The following STARD13 variants were observed in gnomAD, a reference collection of about 807,000 sequenced individuals.
The protein encoded by STARD13 is stAR-related lipid transfer protein 13.
Under a neutral mutation model 106.4 loss-of-function variants are expected in STARD13, and 62 were observed. The observed-to-expected ratio is 0.58, with a 90% confidence interval of 0.48 to 0.72. The LOEUF (loss-of-function observed/expected upper bound fraction) is 0.72, where lower values mean the gene tolerates loss of function less well. STARD13 is among the 30% of genes least tolerant of loss of function. The pLI, the probability that STARD13 is intolerant of heterozygous loss-of-function variation, is 0.00. For missense variants in STARD13, 1,387 were observed against 1,424.0 expected, an observed-to-expected ratio of 0.97 and a Z score of 0.42; for synonymous variants, 565 against 553.0, an observed-to-expected ratio of 1.02 and a Z score of -0.31.
At chr13:33,653,308 G>A in the STARD13 span, among the ~76,000 whole-genome samples, 3 of 152,052 alleles carry the variant, frequency 2.0e-5, no homozygotes, top group Admixed American at 6.6e-5. Flanking sequence ...AAAACAGTGT[G>A]GTAGAGGCAG....
chr13:33,433,625 C>T, the STARD13 span, among the ~76,000 whole-genome samples: 4 of 152,092 alleles, frequency 2.6e-5, no homozygotes, highest in Admixed American at 6.5e-5. Context: ...AGACCTCTTG[C>T]GTTCTGTAGT....
chr13:33,435,361 A>G, the STARD13 span, among the ~76,000 whole-genome samples: 1 of 152,346 alleles, frequency 6.6e-6, no homozygotes, highest in East Asian at 1.9e-4. Context: ...CTTTCAAGGG[A>G]ATAAGCTGAT....
rs947262273 is a variant in STARD13, at chr13:33,110,213, G to A, written c.2830-123C>T. The A allele has an allele frequency of 1.3e-5, 10 of 782,468 alleles. No individual in the cohort carries two copies. The South Asian group carries it at 1.5e-4, about 12-fold the overall frequency. The allele number at this position is 782,468 out of a possible 1,614,324, so 48.5% of individuals were successfully genotyped here. A position where few individuals can be genotyped will look rare whatever the true frequency, so the allele number is the denominator to read the frequency against. ...GTGTTCAAAAACCATCACTGATTAT[G>A]TAAATTGAGAGTGATACTACATACC... On this transcript the variant is annotated intron_variant, in intron 11 of 13. Coordinates refer to ENST00000336934, the MANE Select transcript of STARD13 (RefSeq NM_178006.4).
chr13:33,261,745 G>A (rs1390334849), intron 1 of STARD13, among the ~76,000 whole-genome samples: 8 of 152,196 alleles, frequency 5.3e-5, no homozygotes, highest in Non-Finnish European at 1.0e-4. Flanking sequence ...CATTTGAGAT[G>A]ACTGGCAGGA....
chr13:33,123,982 T>C (rs1348241955), intron 7 of STARD13, among the ~76,000 whole-genome samples: 1 of 152,216 alleles, frequency 6.6e-6, no homozygotes, highest in East Asian at 1.9e-4. Flanking sequence ...CTCAAGGCCT[T>C]GGGCAGACTG....
chr13:33,115,212 C>G (rs1875189107), intron 8 of STARD13, among the ~76,000 whole-genome samples: 1 of 152,166 alleles, frequency 6.6e-6, no homozygotes, highest in African/African-American at 2.4e-5. Context: ...TGACAAAAAT[C>G]CAAGAAGTGG....
intron 1 of STARD13, among the ~76,000 whole-genome samples, chr13:33,185,452 C>G (rs1885662078): frequency 6.6e-6 from 1 of 152,170 alleles, no homozygotes; most frequent in African/African-American, 2.4e-5. Flanking sequence ...ATCACTGTCT[C>G]CTTCGCTTAG....
the STARD13 span, among the ~76,000 whole-genome samples, chr13:33,669,889 T>C: frequency 6.6e-6 from 1 of 152,320 alleles, no homozygotes; most frequent in African/African-American, 2.4e-5. Context: ...GCCCTATCTG[T>C]CCAAATGTAC....
chr13:33,170,571 G>A (rs557963562), intron 1 of STARD13, among the ~76,000 whole-genome samples: 1 of 152,240 alleles, frequency 6.6e-6, no homozygotes, highest in South Asian at 2.1e-4. Context: ...TTAATGGGCA[G>A]GCACTTAAAC....
At chr13:33,570,685 G>A in the STARD13 span, among the ~76,000 whole-genome samples, 306 of 152,080 alleles carry the variant, frequency 2.0e-3, 22 homozygotes, top group Middle Eastern at 6.8e-3. Context: ...TGCTCATTTC[G>A]GAAGAAAGCT....
chr13:33,177,188 C>A (rs1395299333), intron 1 of STARD13, among the ~76,000 whole-genome samples: 5 of 152,192 alleles, frequency 3.3e-5, no homozygotes, highest in African/African-American at 9.7e-5. Flanking sequence ...CTTGGCTAAT[C>A]TGCCTGCCAA....
At chr13:33,118,294 A>T (rs1370889457) in intron 7 of STARD13, 31 bp from the exon 8 acceptor site, 2 of 1,594,698 alleles carry the variant, frequency 1.3e-6, no homozygotes, top group African/African-American at 2.7e-5. Flanking sequence ...TGTGTCAGCC[A>T]GGCCACACTT....
intron 1 of STARD13, among the ~76,000 whole-genome samples, chr13:33,269,856 G>A (rs1431105953): frequency 2.0e-5 from 3 of 152,262 alleles, no homozygotes; most frequent in South Asian, 2.1e-4. Context: ...ATATACATTC[G>A]CTCACAGTGC....
the STARD13 span, among the ~76,000 whole-genome samples, chr13:33,555,381 G>A: frequency 1.3e-5 from 2 of 152,230 alleles, no homozygotes; most frequent in Admixed American, 1.3e-4. Context: ...GAGCTAAAAT[G>A]CTCCAACTGT....
At chr13:33,298,615 G>A (rs1892594453) in intron 1 of STARD13, among the ~76,000 whole-genome samples, 1 of 151,932 alleles carries the variant, frequency 6.6e-6, no homozygotes, top group African/African-American at 2.4e-5. Flanking sequence ...AAGTATATGT[G>A]CATATACATG....
chr13:33,345,447 A>T (rs149714331), downstream of STARD13, among the ~76,000 whole-genome samples: 2,012 of 152,324 alleles, frequency 0.013, 30 homozygotes, highest in Non-Finnish European at 0.018. Context: ...GTGGTACAAT[A>T]GGAAATAGGC....
chr13:33,410,602 TCTC>T, the STARD13 span, among the ~76,000 whole-genome samples: 1 of 152,168 alleles, frequency 6.6e-6, no homozygotes, highest in African/African-American at 2.4e-5. Context: ...AGAAGGGTCT[TCTC>T]CTACAAAAGG....
chr13:33,111,912 T>A lies in STARD13; in HGVS notation c.2493-20A>T. The A allele has an allele frequency of 6.6e-7, 1 of 1,514,676 alleles. No individual in the cohort carries two copies. The highest frequency in any genetic ancestry group is 9.2e-7 in the Non-Finnish European group (1 of 1,089,616). The allele number at this position is 1,514,676 out of a possible 1,614,324, so 93.8% of individuals were successfully genotyped here. On this transcript the variant is annotated intron_variant, in intron 9 of 13. Transcript: ENST00000336934. ...ATGACTCTGTAATTGAACGTGAGTGTGCTAAGCAGATCCCACACCAACGAG... is the reference window on the plus strand; with the variant it reads ...ATGACTCTGTAATTGAACGTGAGTGAGCTAAGCAGATCCCACACCAACGAG...
Position 33,264,279 on chromosome 13 carries a change from T to A in STARD13, c.169+21191A>T, listed in dbSNP as rs575226148. On this transcript the variant is annotated intron_variant, in intron 1 of 13. Coordinates refer to ENST00000336934, the MANE Select transcript of STARD13 (RefSeq NM_178006.4). The stretch of plus-strand genomic sequence containing the variant: ...TTTTCCAAACTCCTGACCCACAGAA[T>A]CCATGAGCATAATAACATGGTTGTT... Among the ~76,000 whole-genome samples, 4 of 152,326 alleles carry A rather than the reference T, an allele frequency of 2.6e-5. No homozygotes were observed. The East Asian group carries it at 7.7e-4, about 29-fold the overall frequency.
Sources: gnomAD v4.1 joint callset for allele counts (sites outside exome capture counted in the v4.1 genomes callset) on GRCh38, gnomAD v4.1.1 for gene constraint, MANE v1.5 for transcripts, NCBI Gene and HGNC (gene_info 2026-07-23, HGNC 2026-07-21) for gene names.